ZBTB20: variants seen among roughly 807,000 people sequenced by gnomAD.
ZBTB20 encodes the protein zinc finger and BTB domain-containing protein 20.
ZBTB20 carries 9 observed loss-of-function variants against 56.9 expected under a neutral mutation model. The observed-to-expected ratio is 0.16, with a 90% CI of 0.10 to 0.28. The LOEUF (loss-of-function observed/expected upper bound fraction) is 0.28, where lower values mean the gene tolerates loss of function less well. Ranked by LOEUF, ZBTB20 falls within the 10% of genes least tolerant of loss-of-function variation. The pLI is 1.00. For synonymous variants in ZBTB20, 417 were observed against 420.7 expected (o/e 0.99, Z 0.11); for missense variants, 655 against 1,003.0 (o/e 0.65, Z 4.69).
chr3:115,145,278 G>C (rs1313689168), intron 1 of ZBTB20, among the ~76,000 whole-genome samples: 4 of 152,134 alleles, frequency 2.6e-5, no homozygotes, highest in Non-Finnish European at 5.9e-5. Context: ...GAAAAATACA[G>C]ATTCTTCATT....
At chr3:114,536,562 C>A (rs1045523789) in intron 6 of ZBTB20, among the ~76,000 whole-genome samples, 2 of 152,074 alleles carry the variant, frequency 1.3e-5, no homozygotes, top group South Asian at 2.1e-4. Flanking sequence ...GGCCATACTG[C>A]CCAAAGTAAT....
At chr3:114,861,397 T>C (rs2075521850) in intron 4 of ZBTB20, among the ~76,000 whole-genome samples, 1 of 152,162 alleles carries the variant, frequency 6.6e-6, no homozygotes, top group Non-Finnish European at 1.5e-5. Context: ...TCACTATATA[T>C]TTGTCAAATA....
chr3:115,056,762 T>G (rs1242107020), intron 2 of ZBTB20, among the ~76,000 whole-genome samples: 1 of 152,114 alleles, frequency 6.6e-6, no homozygotes, highest in Non-Finnish European at 1.5e-5. Context: ...ACCATCTCAA[T>G]TTTATGGTAC....
intron 7 of ZBTB20, among the ~76,000 whole-genome samples, chr3:114,397,382 T>C (rs1450415650): frequency 6.6e-6 from 1 of 152,122 alleles, no homozygotes; most frequent in Non-Finnish European, 1.5e-5. Flanking sequence ...TTATTAGCTC[T>C]CATCTCCTCT....
At chr3:115,067,766 G>A (rs1459253192) in intron 2 of ZBTB20, among the ~76,000 whole-genome samples, 2 of 152,022 alleles carry the variant, frequency 1.3e-5, no homozygotes, top group East Asian at 1.9e-4. Flanking sequence ...TTCTTCTATC[G>A]TATCAACTTC....
At chr3:114,489,404 C>A (rs1184262467) in intron 7 of ZBTB20, among the ~76,000 whole-genome samples, 2 of 152,046 alleles carry the variant, frequency 1.3e-5, no homozygotes, top group African/African-American at 4.8e-5. Flanking sequence ...GTGAATATAA[C>A]CCAAATATTT....
At position 115,115,006 on chromosome 3, in the gene ZBTB20, A is replaced by T. The variant is rs116199518; in HGVS notation, c.-703+32213T>A. ...CAGTGAACCTCAAGTGGTGCAAATG[A>T]TATTCATGGCCCATTCTCCATCTTA... On this transcript the variant is annotated intron_variant, in intron 1 of 11. Coordinates refer to ENST00000675478, the MANE Select transcript of ZBTB20 (RefSeq NM_001348800.3). Among the ~76,000 whole-genome samples, 412 of 152,248 alleles carry T rather than the reference A, an allele frequency of 2.7e-3. 1 individual carries two copies. Among genetic ancestry groups the T allele is most frequent in the African/African-American group, 9.1e-3 (378 of 41,578 alleles).
chr3:115,136,971 T>C (rs2084667244), intron 1 of ZBTB20, among the ~76,000 whole-genome samples: 1 of 152,060 alleles, frequency 6.6e-6, no homozygotes. Context: ...CTATCAAAAT[T>C]ACAAGAACAA....
chr3:114,506,161 T>C (rs1247013193), intron 6 of ZBTB20, among the ~76,000 whole-genome samples: 2 of 152,254 alleles, frequency 1.3e-5, no homozygotes, highest in Middle Eastern at 3.4e-3. Flanking sequence ...AAAACGCATA[T>C]TATTTTGGAT....
intron 6 of ZBTB20, among the ~76,000 whole-genome samples, chr3:114,530,381 G>A (rs924104925): frequency 1.3e-5 from 2 of 152,148 alleles, no homozygotes; most frequent in African/African-American, 4.8e-5. Context: ...GTAACATGCT[G>A]TGCAGGTTTG....
chr3:115,072,331 T>C, intron 1 of ZBTB20, among the ~76,000 whole-genome samples: 1 of 152,172 alleles, frequency 6.6e-6, no homozygotes, highest in Admixed American at 6.6e-5. Context: ...ATAAATATGC[T>C]TGTTATACCA....
At chr3:114,892,603 T>C (rs2107635773) in intron 4 of ZBTB20, among the ~76,000 whole-genome samples, 1 of 152,204 alleles carries the variant, frequency 6.6e-6, no homozygotes, top group East Asian at 1.9e-4. Context: ...GAGTGCTTTA[T>C]CTGCTCCAAG....
Position 114,973,853 on chromosome 3 carries a change from A to G in ZBTB20, c.-456+513T>C, listed in dbSNP as rs541535017. Among the ~76,000 whole-genome samples the G allele has an allele frequency of 3.9e-5, 6 of 152,228 alleles. No homozygotes were observed. The East Asian group carries it at 1.2e-3, about 29-fold the overall frequency. On this transcript the variant is annotated intron_variant, in intron 3 of 11. Coordinates refer to ENST00000675478, the MANE Select transcript of ZBTB20 (RefSeq NM_001348800.3). Reference sequence around the variant, plus strand: ...ATGCAGCCACACGAGTCTATTGTAAACTTCTTGCCTGAAATTCTGGACTTC... The same window carrying G: ...ATGCAGCCACACGAGTCTATTGTAAGCTTCTTGCCTGAAATTCTGGACTTC...
At chr3:115,052,449 G>A (rs767872779) in intron 2 of ZBTB20, among the ~76,000 whole-genome samples, 1 of 151,284 alleles carries the variant, frequency 6.6e-6, no homozygotes, top group African/African-American at 2.4e-5. Context: ...GGAGTGAGAC[G>A]CTTTCTCATG....
rs368796379 is a variant in ZBTB20 at position 115,034,348 on chromosome 3, CA to C, written c.-507+36870del. Among the ~76,000 whole-genome samples, 657 of 148,806 alleles carry C rather than the reference CA, an allele frequency of 4.4e-3. 6 individuals are homozygous for C. Among genetic ancestry groups the C allele is most frequent in the African/African-American group, 0.015 (610 of 40,688 alleles). Reference sequence around the variant, plus strand: ...AAAAAACATATTCCACAATTTCCACCAAAAAAAAACCCTGTTAGAACTAATA... The same window carrying C: ...AAAAAACATATTCCACAATTTCCACCAAAAAAAACCCTGTTAGAACTAATA... On this transcript the variant is annotated intron_variant, in intron 2 of 11. Coordinates refer to ENST00000675478, the MANE Select transcript of ZBTB20 (RefSeq NM_001348800.3).
At chr3:114,488,268 C>T (rs1458277257) in intron 7 of ZBTB20, among the ~76,000 whole-genome samples, 1 of 152,168 alleles carries the variant, frequency 6.6e-6, no homozygotes, top group Admixed American at 6.6e-5. Context: ...GGGAGCACTG[C>T]CTTTGCAGTA....
At position 114,350,760 on chromosome 3, in the gene ZBTB20, C is replaced by T. The variant is rs138924453; in HGVS notation, c.1318G>A (p.Glu440Lys). 9,830 of 1,614,130 alleles carry T rather than the reference C, an allele frequency of 6.1e-3. 61 individuals are homozygous for T. The highest frequency in any genetic ancestry group is 0.019 in the Middle Eastern group (118 of 6,062). ...ACAGTGATAACAGTGCTGTCCATCT[C>T]CACTTCATTGCTTCTCTCCGGAGAG... The part of the protein sequence containing the change: ...ASSPERSNEV[E>K]MDSTVITVSN... Residue 440 changes from glutamate (E) to lysine (K), a missense_variant, in exon 11 of 12, where the codon GAG becomes AAG. Glu to Lys is a moderately conservative substitution (Grantham distance 56, BLOSUM62 1). Around this residue, in one of 10 missense-constraint regions of ZBTB20, gnomAD observed 156 missense variants for 181.0 expected, o/e 0.86. Transcript: ENST00000675478.
chr3:115,124,816 A>G lies in ZBTB20; in HGVS notation c.-703+22403T>C, dbSNP rs568043232. The stretch of plus-strand genomic sequence containing the variant: ...TAATTTAAACTTTTATGTCTAAATA[A>G]TATACAAAAATCAACTCAAGTGAAT... On this transcript the variant is annotated intron_variant, in intron 1 of 11. Coordinates refer to ENST00000675478, the MANE Select transcript of ZBTB20 (RefSeq NM_001348800.3). Among the ~76,000 whole-genome samples, 5 of 152,312 alleles carry G rather than the reference A, an allele frequency of 3.3e-5. No individual in the cohort carries two copies. In the South Asian group the frequency reaches 8.3e-4, roughly 25 times the overall value.
At chr3:114,431,487 C>T (rs2722033) in intron 7 of ZBTB20, among the ~76,000 whole-genome samples, 128,033 of 152,198 alleles carry the variant, frequency 0.84, 55,064 homozygotes, top group Non-Finnish European at 0.93. Context: ...AAATGTACTA[C>T]GACAGCTAAT....
Sources: allele counts gnomAD v4.1 joint callset (sites outside exome capture counted in the v4.1 genomes callset), GRCh38; gene constraint gnomAD v4.1.1; regional missense constraint gnomAD v4.1.1; transcripts MANE v1.5; gene names NCBI Gene and HGNC (gene_info 2026-07-23, HGNC 2026-07-21).